The following MKLN1 variants were observed in gnomAD, a reference collection of about 807,000 sequenced individuals.
MKLN1 encodes the protein muskelin.
In MKLN1, 18 loss-of-function variants were observed where a neutral mutation model predicts 99.0. The ratio of observed to expected loss-of-function variants is 0.18; its 90% CI spans 0.13 to 0.27. The LOEUF (loss-of-function observed/expected upper bound fraction) is 0.27. MKLN1 is among the 10% of genes least tolerant of loss of function. The probability of loss-of-function intolerance (pLI) is 1.00; values close to 1 mark genes in which losing one functional copy is unlikely to be tolerated. For missense variants in MKLN1, 621 were observed against 875.9 expected (o/e 0.71, Z 3.67); for synonymous variants, 288 against 293.2 (o/e 0.98, Z 0.18).
chr7:131,233,973 C>T (rs956248317), intron 3 of MKLN1, among the ~76,000 whole-genome samples: 1 of 151,880 alleles, frequency 6.6e-6, no homozygotes, highest in Non-Finnish European at 1.5e-5. Flanking sequence ...CTTTCCTTTT[C>T]TTTTTATTTT....
chr7:131,338,814 T>C (rs1799322807), intron 1 of MKLN1, among the ~76,000 whole-genome samples: 1 of 152,210 alleles, frequency 6.6e-6, no homozygotes, highest in Admixed American at 6.5e-5. Flanking sequence ...CAGTTGACCC[T>C]TGAACAACAT....
intron 3 of MKLN1, among the ~76,000 whole-genome samples, chr7:131,283,343 CCCCTCCTTCCTTCCTTCCTTCCTTCCTT>C (rs1563278403): frequency 4.0e-5 from 3 of 74,678 alleles, no homozygotes; most frequent in Admixed American, 1.4e-4. Flanking sequence ...CCCTTCCCTT[CCCCTCCTTCCTTCCTTCCTTCCTTCCTT>C]CCTTCCTTCC....
chr7:131,138,068 G>C (rs896204033), intron 1 of MKLN1, among the ~76,000 whole-genome samples: 11 of 151,870 alleles, frequency 7.2e-5, no homozygotes, highest in African/African-American at 2.7e-4. Flanking sequence ...TGGGATTAAA[G>C]GCATGTGCCA....
intron 3 of MKLN1, among the ~76,000 whole-genome samples, chr7:131,209,694 G>A (rs1204060156): frequency 7.9e-5 from 12 of 152,170 alleles, no homozygotes; most frequent in Admixed American, 7.9e-4. Context: ...CCAGCTTCAA[G>A]TGATGAATTA....
chr7:131,470,404 G>A (rs1398645844), intron 15 of MKLN1, among the ~76,000 whole-genome samples: 4 of 152,120 alleles, frequency 2.6e-5, no homozygotes, highest in Non-Finnish European at 5.9e-5. Context: ...CAGTTTCCAA[G>A]GTATCTGTTA....
intron 2 of MKLN1, among the ~76,000 whole-genome samples, chr7:131,197,323 C>T (rs1796662310): frequency 1.3e-5 from 2 of 151,570 alleles, no homozygotes; most frequent in Admixed American, 1.3e-4. Context: ...CCCACTTCAG[C>T]CCCCTGAATA....
chr7:131,249,997 A>G (rs1037134571), intron 3 of MKLN1, among the ~76,000 whole-genome samples: 1 of 152,196 alleles, frequency 6.6e-6, no homozygotes, highest in Non-Finnish European at 1.5e-5. Context: ...TAATGTGAAG[A>G]TTGGATGCAA....
intron 3 of MKLN1, among the ~76,000 whole-genome samples, chr7:131,305,502 A>G (rs1055003564): frequency 6.6e-6 from 1 of 152,216 alleles, no homozygotes; most frequent in African/African-American, 2.4e-5. Context: ...TTCCTTGGAT[A>G]AGTCATTGTA....
chr7:131,200,983 C>T (rs1796718666), intron 2 of MKLN1, among the ~76,000 whole-genome samples: 1 of 152,152 alleles, frequency 6.6e-6, no homozygotes, highest in African/African-American at 2.4e-5. Flanking sequence ...GCCCTACTTC[C>T]AAAACACTAC....
At chr7:131,208,027 A>G (rs1277776959) in intron 3 of MKLN1, among the ~76,000 whole-genome samples, 5 of 152,270 alleles carry the variant, frequency 3.3e-5, no homozygotes. Context: ...GAGATTTCCC[A>G]GATGTTTCTT....
At chr7:131,113,753 A>G (rs192575941) in intron 1 of MKLN1, among the ~76,000 whole-genome samples, 16 of 152,186 alleles carry the variant, frequency 1.1e-4, no homozygotes, top group African/African-American at 3.6e-4. Flanking sequence ...GAACCACAGA[A>G]GCGGAGGTTG....
chr7:131,399,337 G>T lies in MKLN1; in HGVS notation c.607G>T (p.Ala203Ser). 1.2e-6 allele frequency: 2 copies of T among 1,613,950 alleles called. No individual in the cohort carries two copies. The highest frequency in any genetic ancestry group is 1.7e-6 in the Non-Finnish European group (2 of 1,179,900). The change falls in exon 6 of 18, where the codon GCA becomes TCA. Residue 203 changes from alanine (A) to serine (S), a missense_variant. Physicochemically the swap from Ala to Ser is moderately conservative, Grantham distance 99. Transcript: ENST00000352689. ...GTCACTGCAAAAGAAAACCAAGATT[G>T]CACTGGAACATCCCATGTTAACAGA... ...FESLQKKTKIALEHPMLTDIH... is the reference protein window; with the variant it reads ...FESLQKKTKISLEHPMLTDIH...
At chr7:131,157,736 T>C (rs1477258663) in intron 2 of MKLN1, among the ~76,000 whole-genome samples, 3 of 152,168 alleles carry the variant, frequency 2.0e-5, no homozygotes, top group Non-Finnish European at 4.4e-5. Flanking sequence ...AGTTGTTTTT[T>C]TCCTAACAGA....
intron 3 of MKLN1, among the ~76,000 whole-genome samples, chr7:131,322,485 G>A (rs1157810828): frequency 6.6e-6 from 1 of 151,922 alleles, no homozygotes; most frequent in Non-Finnish European, 1.5e-5. Context: ...CAGGGTGGAA[G>A]GTGAAGGAGA....
chr7:131,303,099 C>G (rs1293504823), intron 3 of MKLN1, among the ~76,000 whole-genome samples: 2 of 151,864 alleles, frequency 1.3e-5, no homozygotes, highest in African/African-American at 2.4e-5. Flanking sequence ...AAAGTGTTTA[C>G]AAAAAAAACT....
At chr7:131,291,292 G>A (rs1164842839) in intron 3 of MKLN1, among the ~76,000 whole-genome samples, 3 of 151,240 alleles carry the variant, frequency 2.0e-5, no homozygotes, top group East Asian at 1.9e-4. Flanking sequence ...CACCACACCC[G>A]GCTAATTTTT....
At chr7:131,127,228 T>G (rs1795478204) in intron 1 of MKLN1, among the ~76,000 whole-genome samples, 1 of 152,048 alleles carries the variant, frequency 6.6e-6, no homozygotes, top group Non-Finnish European at 1.5e-5. Context: ...CACTTAGTTC[T>G]GCTGGTATCA....
At chr7:131,389,738 A>T (rs1306499863) in intron 4 of MKLN1, among the ~76,000 whole-genome samples, 1 of 151,800 alleles carries the variant, frequency 6.6e-6, no homozygotes, top group Non-Finnish European at 1.5e-5. Context: ...ACAAAAAAAA[A>T]TTTAGCTGGG....
At position 131,488,061 on chromosome 7, in the gene MKLN1, CT is replaced by C. The variant is rs200839609; in HGVS notation, c.*343del. 54 of 146,604 alleles carry C rather than the reference CT, an allele frequency of 3.7e-4. No individual in the cohort carries two copies. Among genetic ancestry groups the C allele is most frequent in the African/African-American group, 4.0e-4 (16 of 39,874 alleles). 9.1% of individuals were successfully genotyped at this position (146,604 alleles called of 1,614,324 possible). On this transcript the variant is annotated 3_prime_UTR_variant, in exon 18 of 18. Coordinates refer to ENST00000352689, the MANE Select transcript of MKLN1 (RefSeq NM_013255.5). ...GTTTACCCTTTTCAGATTTTTATTT[CT>C]TTTTTTTTTAATTGGGGGAAATAAG...
Sources: allele counts gnomAD v4.1 joint callset (sites outside exome capture counted in the v4.1 genomes callset), GRCh38; gene constraint gnomAD v4.1.1; transcripts MANE v1.5; gene names NCBI Gene and HGNC (gene_info 2026-07-23, HGNC 2026-07-21).